The following PCOLCE2 variants were observed in gnomAD, a reference collection of about 807,000 sequenced individuals.
The protein encoded by PCOLCE2 is procollagen C-endopeptidase enhancer 2.
PCOLCE2 carries 42 observed loss-of-function variants against 47.0 expected under a neutral mutation model. The ratio of observed to expected loss-of-function variants is 0.89; its 90% CI spans 0.70 to 1.16. The LOEUF is 1.16. Ranked by LOEUF, PCOLCE2 falls within the 50% of genes most tolerant of loss-of-function variation. The pLI, the probability that PCOLCE2 is intolerant of heterozygous loss-of-function variation, is 0.00. For synonymous variants in PCOLCE2, 169 were observed against 191.7 expected (o/e 0.88, Z 0.98); for missense variants, 500 against 526.1 (o/e 0.95, Z 0.49).
chr3:142,860,729 G>T (rs1316751426), intron 2 of PCOLCE2, among the ~76,000 whole-genome samples: 1 of 152,162 alleles, frequency 6.6e-6, no homozygotes, highest in East Asian at 1.9e-4. Context: ...CTTTAAGTTA[G>T]CTTAGTTTTC....
intron 1 of PCOLCE2, among the ~76,000 whole-genome samples, chr3:142,888,192 G>A (rs1267434642): frequency 1.3e-5 from 2 of 152,210 alleles, no homozygotes; most frequent in African/African-American, 4.8e-5. Context: ...CCCATATTTG[G>A]AGAGATGCCC....
intron 2 of PCOLCE2, among the ~76,000 whole-genome samples, chr3:142,872,786 T>C (rs1382541124): frequency 6.6e-6 from 1 of 152,172 alleles, no homozygotes; most frequent in Non-Finnish European, 1.5e-5. Context: ...AATACATATC[T>C]TGGGCAAGTG....
At chr3:142,876,900 C>G (rs1004142925) in intron 2 of PCOLCE2, among the ~76,000 whole-genome samples, 5 of 152,106 alleles carry the variant, frequency 3.3e-5, no homozygotes, top group African/African-American at 9.7e-5. Context: ...GCATGAATAC[C>G]AGGAGGTGTG....
At chr3:142,858,721 TTGTGTGTGTGTGTATGTGTG>T (rs1391680832) in intron 2 of PCOLCE2, among the ~76,000 whole-genome samples, 7 of 121,294 alleles carry the variant, frequency 5.8e-5, no homozygotes, top group Non-Finnish European at 1.9e-5. Context: ...ATACAGGATT[TTGTGTGTGTGTGTATGTGTG>T]TGTGTGTGTG....
intron 3 of PCOLCE2, 62 bp from the exon 4 acceptor site, chr3:142,843,110 T>C (rs1025836647): frequency 1.3e-6 from 2 of 1,523,910 alleles, no homozygotes; most frequent in Non-Finnish European, 1.8e-6. Flanking sequence ...AATACAACCA[T>C]GTGGAGATTA....
intron 2 of PCOLCE2, among the ~76,000 whole-genome samples, chr3:142,854,189 A>G (rs1933014352): frequency 7.4e-6 from 1 of 135,532 alleles, no homozygotes; most frequent in Non-Finnish European, 1.6e-5. Flanking sequence ...TTTGATCAAA[A>G]AGAACTGTTT....
At chr3:142,834,215 C>A (rs923857803) in intron 5 of PCOLCE2, among the ~76,000 whole-genome samples, 2 of 152,184 alleles carry the variant, frequency 1.3e-5, no homozygotes, top group Middle Eastern at 3.2e-3. Context: ...AGGTTCCATA[C>A]ATGGTAAAGC....
chr3:142,868,541 C>CT (rs1933325868), intron 2 of PCOLCE2, among the ~76,000 whole-genome samples: 3 of 152,140 alleles, frequency 2.0e-5, no homozygotes, highest in Admixed American at 2.0e-4. Flanking sequence ...CTGCTCCACC[C>CT]TGACTCATTC....
intron 2 of PCOLCE2, among the ~76,000 whole-genome samples, chr3:142,861,557 T>C (rs1344207689): frequency 6.6e-6 from 1 of 152,228 alleles, no homozygotes; most frequent in East Asian, 1.9e-4. Context: ...GTTTCCTTTG[T>C]TTTTAGTATC....
At chr3:142,820,746 G>C (rs1937003453) in intron 8 of PCOLCE2, 132 bp downstream of exon 8, 1 of 663,868 alleles carries the variant, frequency 1.5e-6, no homozygotes. Context: ...GCCCAATTCT[G>C]CCTGACTCCA....
At chr3:142,888,205 T>C (rs1035432012) in intron 1 of PCOLCE2, among the ~76,000 whole-genome samples, 1 of 152,216 alleles carries the variant, frequency 6.6e-6, no homozygotes, top group African/African-American at 2.4e-5. Context: ...AGATGCCCAG[T>C]TCTCCTCCCC....
At chr3:142,876,077 CTT>C (rs1018423631) in intron 2 of PCOLCE2, among the ~76,000 whole-genome samples, 4 of 152,174 alleles carry the variant, frequency 2.6e-5, no homozygotes, top group East Asian at 1.9e-4. Flanking sequence ...TGGGTAGACT[CTT>C]TGCATCATCT....
intron 2 of PCOLCE2, among the ~76,000 whole-genome samples, chr3:142,872,983 A>C (rs763104310): frequency 6.6e-6 from 1 of 152,264 alleles, no homozygotes; most frequent in Non-Finnish European, 1.5e-5. Context: ...ATTTTATTTA[A>C]TGTTATAAAT....
intron 2 of PCOLCE2, among the ~76,000 whole-genome samples, chr3:142,874,383 G>T (rs1194785896): frequency 1.3e-5 from 2 of 152,058 alleles, no homozygotes; most frequent in Non-Finnish European, 2.9e-5. Context: ...CGAGCTGATG[G>T]TTTTAAATGT....
chr3:142,852,407 A>G (rs1012492455), intron 2 of PCOLCE2, among the ~76,000 whole-genome samples: 1 of 152,274 alleles, frequency 6.6e-6, no homozygotes, highest in South Asian at 2.1e-4. Flanking sequence ...GAAAAAAAAT[A>G]AAAAAATAAA....
chr3:142,884,009 C>T (rs1933677092), intron 2 of PCOLCE2, among the ~76,000 whole-genome samples: 1 of 152,180 alleles, frequency 6.6e-6, no homozygotes, highest in African/African-American at 2.4e-5. Context: ...GCCTATGTGT[C>T]TCCTGCACCC....
intron 3 of PCOLCE2, chr3:142,843,256 T>G: frequency 3.1e-6 from 2 of 642,418 alleles, no homozygotes; most frequent in Non-Finnish European, 5.8e-6. Context: ...TGACATAGCA[T>G]AGCAACACGA....
chr3:142,843,659 C>T (rs901879469), intron 3 of PCOLCE2, among the ~76,000 whole-genome samples: 1 of 152,030 alleles, frequency 6.6e-6, no homozygotes, highest in African/African-American at 2.4e-5. Context: ...TGACAAATAT[C>T]ATTTCAGGCA....
At chr3:142,864,439 C>T (rs893545129) in intron 2 of PCOLCE2, 1 of 152,152 alleles carries the variant, frequency 6.6e-6, no homozygotes, top group Admixed American at 6.5e-5. Context: ...ATTTCAGACC[C>T]AGTTCAGGTC....
Sources: gnomAD v4.1 joint callset for allele counts (sites outside exome capture counted in the v4.1 genomes callset) on GRCh38, gnomAD v4.1.1 for gene constraint, MANE v1.5 for transcripts, NCBI Gene and HGNC (gene_info 2026-07-23, HGNC 2026-07-21) for gene names.